Variants in ADGRB3 observed in about 807,000 individuals in gnomAD.
The protein encoded by ADGRB3 is adhesion G protein-coupled receptor B3.
A neutral mutation model predicts 193.4 loss-of-function variants in ADGRB3; 37 were observed. The ratio of observed to expected loss-of-function variants is 0.19; its 90% confidence interval spans 0.15 to 0.25. The LOEUF is 0.25. Among genes scored for constraint, ADGRB3 ranks in the 10% least tolerant of loss-of-function variants. ADGRB3 has a pLI of 1.00. For synonymous variants in ADGRB3, 690 were observed against 644.2 expected (o/e 1.07, Z -1.08); for missense variants, 1,637 against 1,852.9 (o/e 0.88, Z 2.14).
At chr6:68,705,305 C>G (rs1181466132) in intron 3 of ADGRB3, among the ~76,000 whole-genome samples, 1 of 151,720 alleles carries the variant, frequency 6.6e-6, no homozygotes, top group Non-Finnish European at 1.5e-5. Flanking sequence ...AGTGCTTATC[C>G]ATTGCTATTT....
chr6:68,846,071 A>G (rs1768268989), intron 3 of ADGRB3, among the ~76,000 whole-genome samples: 1 of 152,202 alleles, frequency 6.6e-6, no homozygotes, highest in Non-Finnish European at 1.5e-5. Context: ...CTCGGAAGCT[A>G]GAGTAAAGGT....
At chr6:68,726,540 G>A (rs1765676830) in intron 3 of ADGRB3, among the ~76,000 whole-genome samples, 6 of 151,600 alleles carry the variant, frequency 4.0e-5, no homozygotes, top group Admixed American at 4.0e-4. Context: ...TGGACTCCTA[G>A]GAATTGGGAC....
At chr6:69,040,383 C>CTT (rs1562133312) in intron 13 of ADGRB3, among the ~76,000 whole-genome samples, 5 of 43,480 alleles carry the variant, frequency 1.1e-4, no homozygotes, top group Non-Finnish European at 1.9e-4. Context: ...CTTTCCTTCT[C>CTT]TCTCTTTCTT....
At chr6:69,231,475 A>G (rs186109352) in intron 17 of ADGRB3, among the ~76,000 whole-genome samples, 2 of 152,360 alleles carry the variant, frequency 1.3e-5, no homozygotes, top group Admixed American at 1.3e-4. Context: ...TATGTTTTAA[A>G]GCATGTCAGA....
At chr6:69,257,427 C>A (rs930300745) in intron 20 of ADGRB3, among the ~76,000 whole-genome samples, 3 of 152,082 alleles carry the variant, frequency 2.0e-5, no homozygotes, top group African/African-American at 7.2e-5. Flanking sequence ...CTGGTTTAGT[C>A]TTGGGAGAGT....
At chr6:69,123,728 A>T (rs952495052) in intron 17 of ADGRB3, among the ~76,000 whole-genome samples, 4 of 152,258 alleles carry the variant, frequency 2.6e-5, no homozygotes, top group African/African-American at 9.6e-5. Context: ...ATATATGGAG[A>T]AGAGAGTTAT....
chr6:69,031,049 CTCT>C (rs1473397798), intron 13 of ADGRB3, among the ~76,000 whole-genome samples: 4 of 15,144 alleles, frequency 2.6e-4, no homozygotes, highest in African/African-American at 6.5e-4. Context: ...CTCTTCTCTT[CTCT>C]TCTCTTCTCT....
At chr6:68,642,798 C>G (rs1768111670) in intron 3 of ADGRB3, among the ~76,000 whole-genome samples, 1 of 147,664 alleles carries the variant, frequency 6.8e-6, no homozygotes, top group African/African-American at 2.5e-5. Context: ...CATATAATGG[C>G]TATAACTTAA....
At chr6:68,820,377 G>C (rs147878533) in intron 3 of ADGRB3, among the ~76,000 whole-genome samples, 270 of 151,606 alleles carry the variant, frequency 1.8e-3, no homozygotes, top group African/African-American at 6.2e-3. Context: ...AGACATATAC[G>C]TATATGTATT....
intron 17 of ADGRB3, among the ~76,000 whole-genome samples, chr6:69,091,659 G>A (rs1772713328): frequency 6.6e-6 from 1 of 152,012 alleles, no homozygotes; most frequent in Non-Finnish European, 1.5e-5. Context: ...GGTGGGAGGA[G>A]GGAAAGGATT....
At chr6:69,001,614 A>G (rs573850162) in intron 11 of ADGRB3, among the ~76,000 whole-genome samples, 1 of 152,316 alleles carries the variant, frequency 6.6e-6, no homozygotes, top group Non-Finnish European at 1.5e-5. Flanking sequence ...GGAAAGAAAC[A>G]TCTTCATGGA....
At chr6:68,815,254 C>A (rs920408123) in intron 3 of ADGRB3, among the ~76,000 whole-genome samples, 1 of 152,128 alleles carries the variant, frequency 6.6e-6, no homozygotes, top group African/African-American at 2.4e-5. Context: ...ATTTAAACTG[C>A]AGTTCTAAAC....
rs1770131101 is a variant in ADGRB3 at position 69,388,801 on chromosome 6, G to C, written c.4479G>C (p.Lys1493Asn). 1 of 1,613,412 alleles carries C rather than the reference G, an allele frequency of 6.2e-7. No individual in the cohort carries two copies. The highest frequency in any genetic ancestry group is 8.5e-7 in the Non-Finnish European group (1 of 1,179,670). The change falls in exon 32 of 32, where the codon AAG becomes AAC. Residue 1493 changes from lysine to asparagine, a missense_variant. Lys to Asn is a moderately conservative substitution (Grantham distance 94). This residue lies in a region of ADGRB3 where 368 missense variants were observed against 367.4 expected (regional missense o/e 1.00). Coordinates refer to ENST00000370598, the MANE Select transcript of ADGRB3 (RefSeq NM_001704.3). ...TCAATGTCTTAGACACAGAGGCAAA[G>C]GATGCTTTGGAACTGAGGCCAGCAG... ...TTINVLDTEA[K>N]DALELRPAEW... is the part of the protein sequence containing the mutation.
At chr6:69,334,197 C>A (rs1339761235) in intron 24 of ADGRB3, among the ~76,000 whole-genome samples, 2 of 151,704 alleles carry the variant, frequency 1.3e-5, no homozygotes, top group East Asian at 1.9e-4. Flanking sequence ...TGAACTGTAA[C>A]CTCATTCAAA....
chr6:68,965,670 A>G (rs761727484), intron 8 of ADGRB3, among the ~76,000 whole-genome samples: 10 of 152,270 alleles, frequency 6.6e-5, no homozygotes, highest in Non-Finnish European at 1.3e-4. Context: ...TGCTAACTAC[A>G]TACTTGTGAC....
intron 17 of ADGRB3, among the ~76,000 whole-genome samples, chr6:69,193,345 A>G (rs1173310445): frequency 1.3e-5 from 2 of 152,016 alleles, no homozygotes; most frequent in Non-Finnish European, 2.9e-5. Context: ...TAAAACAAAA[A>G]CTTTTTTGTG....
chr6:69,012,590 A>G (rs550718304), intron 11 of ADGRB3, among the ~76,000 whole-genome samples: 1 of 152,272 alleles, frequency 6.6e-6, no homozygotes, highest in East Asian at 1.9e-4. Flanking sequence ...AAAGAATTGA[A>G]AAACGGGTCT....
At chr6:68,959,372 T>A (rs903702960) in intron 8 of ADGRB3, among the ~76,000 whole-genome samples, 6 of 152,198 alleles carry the variant, frequency 3.9e-5, no homozygotes, top group African/African-American at 1.4e-4. Flanking sequence ...ACAATTTTTT[T>A]AAACAATATG....
chr6:68,923,489 A>C (rs1767101455), intron 3 of ADGRB3, among the ~76,000 whole-genome samples: 1 of 152,064 alleles, frequency 6.6e-6, no homozygotes, highest in Non-Finnish European at 1.5e-5. Context: ...CAAATCTTTA[A>C]CCTTCAATTG....
Sources: allele counts gnomAD v4.1 joint callset (sites outside exome capture counted in the v4.1 genomes callset), GRCh38; gene constraint gnomAD v4.1.1; regional missense constraint gnomAD v4.1.1; transcripts MANE v1.5; gene names NCBI Gene and HGNC (gene_info 2026-07-23, HGNC 2026-07-21).